The following ATRN variants were observed in gnomAD, a reference collection of about 807,000 sequenced individuals.
The protein encoded by ATRN is attractin-2.
A neutral mutation model predicts 178.7 loss-of-function variants in ATRN; 54 were observed. The ratio of observed to expected loss-of-function variants is 0.30; its 90% CI spans 0.24 to 0.38. ATRN has a LOEUF of 0.38. Among genes scored for constraint, ATRN ranks in the 10% least tolerant of loss-of-function variants. ATRN has a pLI of 1.00. For synonymous variants in ATRN, 636 were observed against 663.0 expected, an observed-to-expected ratio of 0.96 and a Z score of 0.63; for missense variants, 1,443 against 1,815.1, an observed-to-expected ratio of 0.79 and a Z score of 3.73.
Position 3,632,988 on chromosome 20 carries a change from G to A in ATRN, c.3864-1323G>A, listed in dbSNP as rs956868273. ...CCACTAAAAATACAAAAATTAGCTG[G>A]GTGTGATGGCGCACACCTGTAGTCC... On this transcript the variant is annotated intron_variant, in intron 25 of 28. Transcript: ENST00000262919. This position sits in a 1 kb window ranked among gnomAD's most constrained non-coding sequence, Gnocchi z 4.2. 6.6e-6 allele frequency among the ~76,000 whole-genome samples: 1 copy of A among 152,178 alleles called. No homozygotes were observed. Among genetic ancestry groups the A allele is most frequent in the African/African-American group, 2.4e-5 (1 of 41,434 alleles).
intron 15 of ATRN, 113 bp from the exon 16 acceptor site, chr20:3,582,022 T>G (rs2086288373): frequency 3.1e-6 from 3 of 975,220 alleles, no homozygotes; most frequent in East Asian, 5.3e-5. Context: ...GGAGGATCAC[T>G]TGAGCTCAGG....
chr20:3,504,694 A>G (rs1403900031), intron 1 of ATRN, among the ~76,000 whole-genome samples: 19 of 37,402 alleles, frequency 5.1e-4, no homozygotes, highest in Admixed American at 1.2e-3. Flanking sequence ...TTAAGATAAT[A>G]ATAATAATAA....
In ATRN at chr20:3,629,115, A is replaced by G. The variant is rs568294430; in HGVS notation, c.3863+4543A>G. 13 of 985,130 alleles carry G rather than the reference A, an allele frequency of 1.3e-5. No homozygotes were observed. The East Asian group carries it at 1.4e-3, about 103-fold the overall frequency. 61.0% of individuals were successfully genotyped at this position (985,130 alleles called of 1,614,324 possible). A position where few individuals can be genotyped will look rare whatever the true frequency, so the allele number is the denominator to read the frequency against. On this transcript the variant is annotated intron_variant, in intron 25 of 28. Coordinates refer to ENST00000262919, the MANE Select transcript of ATRN (RefSeq NM_139321.3). Reference sequence around the variant, plus strand: ...ACCAGGCCCCAGAGCTGTGGCCGTCAGTGCACTCTCCACCTCCACTCCCCA... The same window carrying G: ...ACCAGGCCCCAGAGCTGTGGCCGTCGGTGCACTCTCCACCTCCACTCCCCA...
In ATRN at chr20:3,557,354, C is replaced by T. The variant is rs188793421; in HGVS notation, c.1113-2039C>T. On this transcript the variant is annotated intron_variant, in intron 6 of 28. Transcript: ENST00000262919. ...GAAATAAGCTGGCCACAGACTTCTC[C>T]GTAGCAACATTTTCAGTACCAGCAG... Among the ~76,000 whole-genome samples the T allele has an allele frequency of 1.8e-3, 270 of 152,240 alleles. 2 individuals carry two copies. Among genetic ancestry groups the T allele is most frequent in the South Asian group, 0.016 (75 of 4,820 alleles).
At position 3,572,761 on chromosome 20, in the gene ATRN, T is replaced by C; in HGVS notation, c.1902T>C (p.Ser634=). Residue 634 remains serine (S), a synonymous_variant, in exon 12 of 29, where the codon AGT becomes AGC. Transcript: ENST00000262919. ...STMYVFGGFN[S]LLLSDILVFT... is the part of the protein sequence containing the mutation. ...TGTATGTGTTCGGTGGTTTCAATAG[T>C]CTCCTCCTCAGCGACATCCTGGTAT... 6.2e-7 allele frequency: 1 copy of C among 1,614,042 alleles called. No homozygotes were observed. The highest frequency in any genetic ancestry group is 2.2e-5 in the East Asian group (1 of 44,872).
chr20:3,496,489 C>A (rs1337940087), intron 1 of ATRN, among the ~76,000 whole-genome samples: 1 of 152,094 alleles, frequency 6.6e-6, no homozygotes, highest in East Asian at 1.9e-4. Flanking sequence ...TCCTGGAGTT[C>A]TAGTTTGATT....
intron 9 of ATRN, 130 bp from the exon 10 acceptor site, chr20:3,563,079 A>C (rs1341952651): frequency 1.8e-5 from 14 of 775,420 alleles, no homozygotes; most frequent in Non-Finnish European, 2.7e-5. Context: ...ACTTTTATGT[A>C]GGGAAAACTC....
rs2085637239 is a variant in ATRN, at chr20:3,542,515, T to A, written c.608+2180T>A. On this transcript the variant is annotated intron_variant, in intron 3 of 28. Transcript: ENST00000262919. ...GGAAAGTTATATGCTGGTGGGGCAG[T>A]TGTTAGACTGTGTGATCTAGAGGAA... is the stretch of plus-strand genomic sequence containing the variant. Among the ~76,000 whole-genome samples, 4 of 151,908 alleles carry A rather than the reference T, an allele frequency of 2.6e-5. No homozygotes were observed. In the South Asian group the frequency reaches 8.3e-4, roughly 32 times the overall value.
intron 1 of ATRN, among the ~76,000 whole-genome samples, chr20:3,523,291 C>T (rs945309222): frequency 2.6e-5 from 4 of 151,376 alleles, no homozygotes; most frequent in African/African-American, 4.9e-5. Context: ...ATAGCCAAAT[C>T]GATCAAGCAG....
chr20:3,642,309 G>T (rs1321113560), intron 27 of ATRN, among the ~76,000 whole-genome samples: 1 of 152,164 alleles, frequency 6.6e-6, no homozygotes, highest in East Asian at 1.9e-4. Flanking sequence ...TCCCCACTTG[G>T]ATATCTTAAC....
At chr20:3,549,768 G>A (rs916015054) in intron 6 of ATRN, among the ~76,000 whole-genome samples, 1 of 152,132 alleles carries the variant, frequency 6.6e-6, no homozygotes, top group Admixed American at 6.5e-5. Flanking sequence ...GGGAGAATAT[G>A]TGTTGTCATA....
At chr20:3,539,924 A>G (rs2085594764) in intron 2 of ATRN, among the ~76,000 whole-genome samples, 1 of 152,188 alleles carries the variant, frequency 6.6e-6, no homozygotes, top group Admixed American at 6.5e-5. Flanking sequence ...AAGTTGAATG[A>G]GGAAGTGCAG....
chr20:3,553,363 A>G (rs2085816467), intron 6 of ATRN, among the ~76,000 whole-genome samples: 1 of 151,946 alleles, frequency 6.6e-6, no homozygotes, highest in Admixed American at 6.6e-5. Flanking sequence ...AGCCCTCTCA[A>G]CTCTGTCACC....
chr20:3,571,046 A>T (rs1270789607), intron 11 of ATRN, among the ~76,000 whole-genome samples: 1 of 152,202 alleles, frequency 6.6e-6, no homozygotes, highest in Non-Finnish European at 1.5e-5. Flanking sequence ...TTTTTCCCCC[A>T]CATAGCAGTA....
At chr20:3,484,691 G>A (rs2084666456) in intron 1 of ATRN, among the ~76,000 whole-genome samples, 1 of 152,012 alleles carries the variant, frequency 6.6e-6, no homozygotes, top group Non-Finnish European at 1.5e-5. Flanking sequence ...GATAAGCCTG[G>A]GGAAATCTGT....
chr20:3,646,148 G>A (rs984702620), intron 28 of ATRN, among the ~76,000 whole-genome samples: 2 of 152,160 alleles, frequency 1.3e-5, no homozygotes, highest in South Asian at 2.1e-4. Flanking sequence ...GGAAACTGAG[G>A]TGCAGGGAGG....
rs1272198903 is a variant in ATRN at position 3,572,754 on chromosome 20, T to C, written c.1895T>C (p.Phe632Ser). Residue 632 changes from phenylalanine (F) to serine (S), a missense_variant, in exon 12 of 29, where the codon TTC becomes TCC. By Grantham distance (155) the Phe-to-Ser change is radical. Transcript: ENST00000262919. ...HNSTMYVFGG[F>S]NSLLLSDILV... ...AGCACCATGTATGTGTTCGGTGGTT[T>C]CAATAGTCTCCTCCTCAGCGACATC... is the stretch of plus-strand genomic sequence containing the variant. The C allele has an allele frequency of 1.2e-6, 2 of 1,614,130 alleles. No individual in the cohort carries two copies.
rs974204378 is a variant in ATRN, at chr20:3,562,549, T to C, written c.1631+90T>C. 2.3e-6 allele frequency: 3 copies of C among 1,330,272 alleles called. No homozygotes were observed. The African/African-American group carries it at 4.4e-5, about 19-fold the overall frequency. The allele number at this position is 1,330,272 out of a possible 1,614,324, so 82.4% of individuals were successfully genotyped here. On this transcript the variant is annotated intron_variant, in intron 9 of 28. Coordinates refer to ENST00000262919, the MANE Select transcript of ATRN (RefSeq NM_139321.3). ...ATATTGTGCTATCTTTTTGTTTTCATGCCTGGCAGATAATTCTGTTCGGCA... is the reference window on the plus strand; with the variant it reads ...ATATTGTGCTATCTTTTTGTTTTCACGCCTGGCAGATAATTCTGTTCGGCA...
Position 3,565,424 on chromosome 20 carries a change from A to G in ATRN, c.1863A>G (p.Leu621=). The change falls in exon 11 of 29, where the codon TTA becomes TTG. Residue 621 remains leucine, a synonymous_variant. Transcript: ENST00000262919. The part of the protein sequence containing the change: ...DVNRFGHSAV[L]HNSTMYVFGG... ...ACAGATTTGGCCATTCAGCAGTCTT[A>G]CACAACAGGTAATTGGAGAAGTGAT... 2 of 1,612,898 alleles carry G rather than the reference A, an allele frequency of 1.2e-6. No individual in the cohort carries two copies. Among genetic ancestry groups the G allele is most frequent in the Non-Finnish European group, 8.5e-7 (1 of 1,178,904 alleles).
Sources: gnomAD v4.1 joint callset for allele counts (sites outside exome capture counted in the v4.1 genomes callset) on GRCh38, gnomAD v4.1.1 for gene constraint, Gnocchi (gnomAD v3.1) non-coding constraint, MANE v1.5 for transcripts, NCBI Gene and HGNC (gene_info 2026-07-23, HGNC 2026-07-21) for gene names.